The following RIC8B variants were observed in gnomAD, a reference collection of about 807,000 sequenced individuals.
RIC8B encodes the protein chaperone Ric-8B.
A neutral mutation model predicts 57.5 loss-of-function variants in RIC8B; 16 were observed. That is an observed-to-expected ratio of 0.28 (90% CI 0.19 to 0.42). RIC8B has a LOEUF of 0.42. Ranked by LOEUF, RIC8B falls within the 10% of genes least tolerant of loss-of-function variation. The probability of loss-of-function intolerance (pLI) is 1.00; values close to 1 mark genes in which losing one functional copy is unlikely to be tolerated. For missense variants in RIC8B, 481 were observed against 677.0 expected (o/e 0.71, Z 3.21); for synonymous variants, 216 against 250.8 (o/e 0.86, Z 1.31).
chr12:106,841,404 A>T (rs1948940139), intron 4 of RIC8B, among the ~76,000 whole-genome samples: 1 of 152,156 alleles, frequency 6.6e-6, no homozygotes, highest in Admixed American at 6.5e-5. Flanking sequence ...TTCTTGGGGA[A>T]GTGGAGCACA....
intron 6 of RIC8B, among the ~76,000 whole-genome samples, chr12:106,845,193 C>T (rs1001112768): frequency 1.3e-5 from 2 of 152,196 alleles, no homozygotes; most frequent in Non-Finnish European, 2.9e-5. Flanking sequence ...CAGCTTTCTT[C>T]CTACTCTGGG....
At chr12:106,828,052 A>G (rs937113603) in intron 4 of RIC8B, among the ~76,000 whole-genome samples, 15 of 152,348 alleles carry the variant, frequency 9.8e-5, no homozygotes, top group African/African-American at 3.4e-4. Flanking sequence ...ATTTTTTTAA[A>G]GAAGTCGTAT....
chr12:106,828,409 T>C (rs2046207066), intron 4 of RIC8B, among the ~76,000 whole-genome samples: 1 of 152,008 alleles, frequency 6.6e-6, no homozygotes, highest in Non-Finnish European at 1.5e-5. Flanking sequence ...AATTTTTCTC[T>C]GTGTGTGTGT....
chr12:106,857,857 A>G (rs1949770227), intron 7 of RIC8B, among the ~76,000 whole-genome samples: 1 of 152,002 alleles, frequency 6.6e-6, no homozygotes. Context: ...TCTACCCCTA[A>G]TTTTTGGGTA....
At chr12:106,803,214 T>TAA (rs758690591) in intron 2 of RIC8B, among the ~76,000 whole-genome samples, 10,112 of 83,896 alleles carry the variant, frequency 0.12, 977 homozygotes, top group Middle Eastern at 0.17. Context: ...ATACCCTGTC[T>TAA]CAAAAAAAAA....
At chr12:106,862,027 A>G (rs149498397) in intron 8 of RIC8B, among the ~76,000 whole-genome samples, 8 of 152,128 alleles carry the variant, frequency 5.3e-5, no homozygotes, top group Non-Finnish European at 1.2e-4. Flanking sequence ...GAATTATGTT[A>G]CATTGTGGAA....
intron 4 of RIC8B, among the ~76,000 whole-genome samples, chr12:106,837,705 A>T (rs1160007127): frequency 1.4e-5 from 2 of 141,102 alleles, no homozygotes; most frequent in East Asian, 4.1e-4. Flanking sequence ...GCAGTAGTGC[A>T]GTCTTGGCTC....
chr12:106,798,422 C>T (rs1414831361), intron 2 of RIC8B, among the ~76,000 whole-genome samples: 1 of 152,172 alleles, frequency 6.6e-6, no homozygotes, highest in Non-Finnish European at 1.5e-5. Context: ...GGAACTCAAA[C>T]CAATTCCTCT....
At chr12:106,779,878 T>C (rs1241133891) in intron 1 of RIC8B, among the ~76,000 whole-genome samples, 1 of 103,654 alleles carries the variant, frequency 9.6e-6, no homozygotes, top group Admixed American at 9.1e-5. Flanking sequence ...CTTTTTTTTT[T>C]TTTTTTTTTT....
intron 2 of RIC8B, among the ~76,000 whole-genome samples, chr12:106,788,004 C>T (rs1242567016): frequency 6.6e-6 from 1 of 152,162 alleles, no homozygotes; most frequent in Non-Finnish European, 1.5e-5. Context: ...GTCCCTTCCG[C>T]CTATGAGCCT....
intron 3 of RIC8B, among the ~76,000 whole-genome samples, chr12:106,816,406 T>C (rs1374482496): frequency 6.6e-6 from 1 of 152,218 alleles, no homozygotes; most frequent in Non-Finnish European, 1.5e-5. Context: ...CTCTAACAGC[T>C]GTTCTAGATG....
intron 9 of RIC8B, among the ~76,000 whole-genome samples, chr12:106,877,144 C>G (rs774685632): frequency 6.6e-6 from 1 of 151,918 alleles, no homozygotes; most frequent in East Asian, 1.9e-4. Flanking sequence ...TTAAAAAAAA[C>G]TAATATTTAT....
chr12:106,884,846 T>G (rs1951102352), intron 9 of RIC8B, among the ~76,000 whole-genome samples: 1 of 152,184 alleles, frequency 6.6e-6, no homozygotes, highest in Admixed American at 6.5e-5. Flanking sequence ...TCTGTTGGCC[T>G]AAGGGACAAC....
chr12:106,834,902 T>C (rs1593252566), intron 4 of RIC8B, among the ~76,000 whole-genome samples: 1 of 138,538 alleles, frequency 7.2e-6, no homozygotes, highest in South Asian at 2.2e-4. Context: ...GAGAATGGCG[T>C]GAACCTGGGA....
chr12:106,852,349 G>A (rs868176638), intron 7 of RIC8B, among the ~76,000 whole-genome samples: 2 of 152,070 alleles, frequency 1.3e-5, no homozygotes, highest in African/African-American at 4.8e-5. Flanking sequence ...GCAGATCTAT[G>A]TTCTACTTTT....
intron 6 of RIC8B, among the ~76,000 whole-genome samples, chr12:106,849,506 A>C (rs1023656609): frequency 1.3e-5 from 2 of 151,744 alleles, no homozygotes; most frequent in Non-Finnish European, 2.9e-5. Flanking sequence ...TATGGTACAC[A>C]TACAAATTTA....
intron 5 of RIC8B, among the ~76,000 whole-genome samples, 169 bp downstream of exon 5, chr12:106,842,986 T>C (rs1949025305): frequency 6.6e-6 from 1 of 152,182 alleles, no homozygotes; most frequent in Non-Finnish European, 1.5e-5. Context: ...CAATATATGA[T>C]AAATTGCTGA....
intron 4 of RIC8B, among the ~76,000 whole-genome samples, chr12:106,831,550 A>G (rs180848647): frequency 2.0e-5 from 3 of 152,290 alleles, no homozygotes; most frequent in African/African-American, 7.2e-5. Context: ...GTGGCCTGGC[A>G]ACATGGTGTA....
At chr12:106,779,807 G>A (rs918764901) in intron 1 of RIC8B, among the ~76,000 whole-genome samples, 3 of 150,764 alleles carry the variant, frequency 2.0e-5, no homozygotes, top group African/African-American at 7.3e-5. Flanking sequence ...GTTAATTTGG[G>A]GAATTATGTA....
Sources: gnomAD v4.1 joint callset for allele counts (sites outside exome capture counted in the v4.1 genomes callset) on GRCh38, gnomAD v4.1.1 for gene constraint, MANE v1.5 for transcripts, NCBI Gene and HGNC (gene_info 2026-07-23, HGNC 2026-07-21) for gene names.